Variants in NYX observed in about 807,000 individuals in gnomAD.
NYX encodes nyctalopin.
For synonymous variants in NYX, 258 were observed against 245.7 expected, an observed-to-expected ratio of 1.05 and a Z score of -0.47; for missense variants, 481 against 485.4, an observed-to-expected ratio of 0.99 and a Z score of 0.09.
chrX:41,450,811 A>AATATATAT (rs1183287949), intron 2 of NYX, among the ~76,000 whole-genome samples: 13 of 34,341 alleles, frequency 3.8e-4, no homozygotes, highest in African/African-American at 1.1e-3. Context: ...ACACCTGGCT[A>AATATATAT]ATATATATAT....
chrX:41,470,780 C>T (rs895595005), intron 2 of NYX, among the ~76,000 whole-genome samples: 2 of 110,231 alleles, frequency 1.8e-5, no homozygotes, highest in Non-Finnish European at 3.8e-5. Context: ...ATGCATAGCA[C>T]ATCTCAATTT....
At chrX:41,448,311 C>T (rs1404212200) in intron 2 of NYX, among the ~76,000 whole-genome samples, 6 of 110,889 alleles carry the variant, frequency 5.4e-5, no homozygotes, top group South Asian at 3.8e-4. Context: ...GGTGCGACCT[C>T]GGCACACTGC....
chrX:41,461,556 G>A (rs746180423), intron 2 of NYX, among the ~76,000 whole-genome samples: 1 of 110,367 alleles, frequency 9.1e-6, no homozygotes, highest in East Asian at 2.8e-4. Flanking sequence ...CCAGTAGTGG[G>A]ATTGCTGGAT....
intron 2 of NYX, among the ~76,000 whole-genome samples, chrX:41,462,878 A>C (rs751412698): frequency 8.9e-6 from 1 of 112,216 alleles, no homozygotes; most frequent in Non-Finnish European, 1.9e-5. Flanking sequence ...TGACTTACAA[A>C]TATTTTCTCA....
chrX:41,472,587 G>C (rs1331639859), intron 2 of NYX: 1 of 502,268 alleles, frequency 2.0e-6, no homozygotes, highest in Non-Finnish European at 3.5e-6. Flanking sequence ...GCAAAGCCAC[G>C]GCTGAGACCA....
chrX:41,449,903 C>T (rs774693385), intron 2 of NYX, among the ~76,000 whole-genome samples: 23 of 111,509 alleles, frequency 2.1e-4, no homozygotes, highest in African/African-American at 4.6e-4. Flanking sequence ...TCTCTGACTG[C>T]GAGTCACAAG....
In NYX at chrX:41,474,861, G is replaced by C; in HGVS notation, c.1393G>C (p.Val465Leu). ...CCTCGCCTCTTGTCTCCTGCCCAGC[G>C]TGGCCCAGCACGTGGTGTTTGGCCT... The part of the protein sequence containing the change: ...FLLASCLLPS[V>L]AQHVVFGLQM... The change falls in exon 3 of 3, where the codon GTG becomes CTG. Residue 465 changes from valine (V) to leucine (L), a missense_variant. Physicochemically the swap from Val to Leu is conservative, Grantham distance 32. Coordinates refer to ENST00000378220, the MANE Select transcript of NYX (RefSeq NM_001378477.3). 1 of 1,207,268 alleles carries C rather than the reference G, an allele frequency of 8.3e-7. No homozygotes were observed. Among genetic ancestry groups the C allele is most frequent in the Non-Finnish European group, 1.1e-6 (1 of 894,151 alleles).
chrX:41,472,953 C>T (rs1473257302), intron 2 of NYX, among the ~76,000 whole-genome samples: 1 of 111,494 alleles, frequency 9.0e-6, no homozygotes, highest in Non-Finnish European at 1.9e-5. Context: ...AGCCCGTCAC[C>T]ACGCCCGGCT....
In NYX at chrX:41,474,698, C is replaced by T. The variant is rs764217347; in HGVS notation, c.1230C>T (p.Ser410=). Residue 410 remains serine (S), a synonymous_variant, in exon 3 of 3, where the codon AGC becomes AGT. Coordinates refer to ENST00000378220, the MANE Select transcript of NYX (RefSeq NM_001378477.3). ...CCACCACCGTGAGCAGGTTCAGCAG[C>T]CTCCTCTCCAAGCTGCTGGCCCCGA... is the stretch of plus-strand genomic sequence containing the variant. ...PAATTVSRFS[S]LLSKLLAPRV... 185 of 1,197,048 alleles carry T rather than the reference C, an allele frequency of 1.5e-4. No individual in the cohort carries two copies. Among genetic ancestry groups the T allele is most frequent in the Non-Finnish European group, 2.1e-4 (183 of 889,894 alleles).
intron 2 of NYX, among the ~76,000 whole-genome samples, chrX:41,463,861 G>A (rs1046794365): frequency 9.0e-5 from 10 of 111,594 alleles, no homozygotes; most frequent in Non-Finnish European, 1.5e-4. Flanking sequence ...GTGAGCCACC[G>A]TGCCGGCCAG....
intron 2 of NYX, among the ~76,000 whole-genome samples, chrX:41,452,129 G>T (rs1466785777): frequency 1.8e-5 from 2 of 110,171 alleles, no homozygotes; most frequent in Non-Finnish European, 3.8e-5. Context: ...GCACCACCAT[G>T]CCTGGCTAAT....
At chrX:41,467,922 G>A (rs892603839) in intron 2 of NYX, among the ~76,000 whole-genome samples, 6 of 111,394 alleles carry the variant, frequency 5.4e-5, no homozygotes, top group African/African-American at 1.6e-4. Context: ...GCCTCACAAA[G>A]TGCTGGGATT....
At chrX:41,456,013 C>T (rs1449097906) in intron 2 of NYX, among the ~76,000 whole-genome samples, 1 of 110,971 alleles carries the variant, frequency 9.0e-6, no homozygotes, top group Non-Finnish European at 1.9e-5. Flanking sequence ...GCTGCATGGT[C>T]CTGAATTTGA....
Position 41,473,484 on chromosome X carries a change from C to T in NYX, c.23-7C>T. On this transcript the variant is annotated splice_region_variant and splice_polypyrimidine_tract_variant and intron_variant, in intron 2 of 2. Coordinates refer to ENST00000378220, the MANE Select transcript of NYX (RefSeq NM_001378477.3). ...CTTCCCGACTCCCCACCACCCTGTCCCCGCAGCGGTGGTCCTCGGCCTGCC... is the reference window on the plus strand; with the variant it reads ...CTTCCCGACTCCCCACCACCCTGTCTCCGCAGCGGTGGTCCTCGGCCTGCC... 2 of 972,296 alleles carry T rather than the reference C, an allele frequency of 2.1e-6. No homozygotes were observed. Among genetic ancestry groups the T allele is most frequent in the Non-Finnish European group, 1.3e-6 (1 of 775,769 alleles). 80.1% of individuals were successfully genotyped at this position (972,296 alleles called of 1,213,427 possible). A position where few individuals can be genotyped will look rare whatever the true frequency, so the allele number is the denominator to read the frequency against.
chrX:41,453,439 C>T (rs1040046528), intron 2 of NYX, among the ~76,000 whole-genome samples: 1 of 109,404 alleles, frequency 9.1e-6, no homozygotes, highest in Admixed American at 9.8e-5. Context: ...CATTAACTAT[C>T]TTATTTTCTT....
rs761357422 is a variant in NYX at position 41,474,702 on chromosome X, C to T, written c.1234C>T (p.Leu412Phe). ...ATTVSRFSSL[L>F]SKLLAPRVPV... ...CACCGTGAGCAGGTTCAGCAGCCTC[C>T]TCTCCAAGCTGCTGGCCCCGAGGGT... Residue 412 changes from leucine to phenylalanine, a missense_variant, in exon 3 of 3, where the codon CTC becomes TTC. Leu to Phe is a conservative substitution (Grantham distance 22). Coordinates refer to ENST00000378220, the MANE Select transcript of NYX (RefSeq NM_001378477.3). 1.3e-5 allele frequency: 16 copies of T among 1,196,505 alleles called. No homozygotes were observed. The highest frequency in any genetic ancestry group is 1.8e-5 in the Non-Finnish European group (16 of 889,622).
intron 2 of NYX, among the ~76,000 whole-genome samples, chrX:41,467,446 C>T (rs1385153905): frequency 1.1e-4 from 12 of 110,074 alleles, no homozygotes; most frequent in African/African-American, 2.3e-4. Context: ...CTCTGCCTCC[C>T]GGGTTCAAGC....
chrX:41,461,002 CATT>C (rs2064317504), intron 2 of NYX, among the ~76,000 whole-genome samples: 1 of 94,410 alleles, frequency 1.1e-5, no homozygotes, highest in African/African-American at 3.9e-5. Flanking sequence ...GCAATTTTAA[CATT>C]ATTTTTTTCT....
chrX:41,448,043 C>A, intron 2 of NYX, 117 bp downstream of exon 2: 1 of 696,237 alleles, frequency 1.4e-6, no homozygotes, highest in Non-Finnish European at 2.3e-6. Flanking sequence ...CACTTCTGAT[C>A]AGGTTTCACT....
Sources: allele counts gnomAD v4.1 joint callset (sites outside exome capture counted in the v4.1 genomes callset), GRCh38; gene constraint gnomAD v4.1.1; transcripts MANE v1.5; gene names NCBI Gene and HGNC (gene_info 2026-07-23, HGNC 2026-07-21).